The following FBN2 variants were observed in gnomAD, a reference collection of about 807,000 sequenced individuals.
FBN2 encodes fibrillin-2.
A neutral mutation model predicts 355.6 loss-of-function variants in FBN2; 105 were observed. The ratio of observed to expected loss-of-function variants is 0.30; its 90% CI spans 0.25 to 0.35. The LOEUF (loss-of-function observed/expected upper bound fraction) is 0.35. Ranked by LOEUF, FBN2 falls within the 10% of genes least tolerant of loss-of-function variation. The pLI, the probability that FBN2 is intolerant of heterozygous loss-of-function variation, is 1.00. For missense variants in FBN2, 3,280 were observed against 3,758.7 expected (o/e 0.87, Z 3.33); for synonymous variants, 1,350 against 1,301.2 (o/e 1.04, Z -0.81).
chr5:128,299,433 TC>T (rs1177986171), intron 48 of FBN2, among the ~76,000 whole-genome samples: 1 of 132,182 alleles, frequency 7.6e-6, no homozygotes, highest in East Asian at 2.4e-4. Context: ...TCCCCCAGCC[TC>T]ACAGTTTGAT....
chr5:128,308,799 G>A (rs78884882), intron 41 of FBN2, among the ~76,000 whole-genome samples: 2,649 of 151,960 alleles, frequency 0.017, 78 homozygotes, highest in African/African-American at 0.054. Flanking sequence ...TGTAAAATTC[G>A]CTCATAAAAA....
At chr5:128,423,577 G>A (rs918572729) in intron 7 of FBN2, among the ~76,000 whole-genome samples, 1 of 152,152 alleles carries the variant, frequency 6.6e-6, no homozygotes. Flanking sequence ...TTTGGGTGGG[G>A]ACACAGCCAA....
chr5:128,448,820 T>C (rs1237593205), intron 6 of FBN2, among the ~76,000 whole-genome samples: 1 of 152,152 alleles, frequency 6.6e-6, no homozygotes, highest in East Asian at 1.9e-4. Flanking sequence ...CACTCTTATA[T>C]TGGAATTGTT....
intron 6 of FBN2, among the ~76,000 whole-genome samples, chr5:128,455,094 T>C (rs1009516906): frequency 6.6e-6 from 1 of 152,118 alleles, no homozygotes; most frequent in Non-Finnish European, 1.5e-5. Context: ...CAAGTACTAA[T>C]CTTAAACAAA....
chr5:128,422,727 TC>T (rs1486322055), intron 7 of FBN2, among the ~76,000 whole-genome samples: 1 of 152,186 alleles, frequency 6.6e-6, no homozygotes, highest in African/African-American at 2.4e-5. Flanking sequence ...ATGTCAGATA[TC>T]TTTTACTCTT....
chr5:128,371,496 C>CCTCA (rs1267332031), intron 15 of FBN2, among the ~76,000 whole-genome samples: 2 of 138,392 alleles, frequency 1.4e-5, no homozygotes, highest in Non-Finnish European at 1.6e-5. Context: ...TTCTTCCCTC[C>CCTCA]CTCCCTCCCT....
At chr5:128,518,847 C>G (rs535170261) in intron 5 of FBN2, among the ~76,000 whole-genome samples, 1 of 152,128 alleles carries the variant, frequency 6.6e-6, no homozygotes, top group Admixed American at 6.5e-5. Flanking sequence ...TAGCTCGAGA[C>G]TTTTTGTTGT....
chr5:128,504,867 T>C (rs535285315), intron 5 of FBN2, among the ~76,000 whole-genome samples: 2 of 152,294 alleles, frequency 1.3e-5, no homozygotes, highest in East Asian at 1.9e-4. Flanking sequence ...CAGAATGATA[T>C]GGTTTGGCTG....
intron 5 of FBN2, among the ~76,000 whole-genome samples, chr5:128,507,834 T>C (rs185238230): frequency 3.3e-5 from 5 of 152,200 alleles, no homozygotes; most frequent in Admixed American, 2.6e-4. Context: ...TATGCCCGTA[T>C]TGACTTCTTA....
At chr5:128,488,286 T>C (rs974059298) in intron 5 of FBN2, among the ~76,000 whole-genome samples, 5 of 152,178 alleles carry the variant, frequency 3.3e-5, no homozygotes, top group African/African-American at 4.8e-5. Context: ...TAAGGCTTGC[T>C]GTGCTAGCAG....
chr5:128,408,741 G>A lies in FBN2; in HGVS notation c.1011C>T (p.Thr337=), dbSNP rs781086796. Residue 337 remains threonine, a synonymous_variant, in exon 8 of 65, where the codon ACC becomes ACT. Transcript: ENST00000262464. ...GICETGECSN[T]VGSYFCVCPR... Reference sequence around the variant, plus strand: ...GACAAACACAAAAATAGCTTCCCACGGTGTTGGAACATTCACCAGTTTCAC... The same window carrying A: ...GACAAACACAAAAATAGCTTCCCACAGTGTTGGAACATTCACCAGTTTCAC... 81 of 1,613,534 alleles carry A rather than the reference G, an allele frequency of 5.0e-5. No homozygotes were observed. The highest frequency in any genetic ancestry group is 6.2e-5 in the Non-Finnish European group (73 of 1,179,616).
chr5:128,417,713 T>C (rs1753240041), intron 7 of FBN2, among the ~76,000 whole-genome samples: 1 of 152,190 alleles, frequency 6.6e-6, no homozygotes, highest in Admixed American at 6.6e-5. Flanking sequence ...TTGATTGTGG[T>C]GTGTTATCTT....
intron 6 of FBN2, 31 bp downstream of exon 6, chr5:128,464,693 G>A (rs764980414): frequency 6.9e-6 from 11 of 1,602,568 alleles, no homozygotes; most frequent in East Asian, 4.5e-5. Flanking sequence ...GCAGGTCTGC[G>A]ATGGTGTGCA....
intron 5 of FBN2, among the ~76,000 whole-genome samples, chr5:128,475,801 T>C (rs1754994118): frequency 6.6e-6 from 1 of 152,208 alleles, no homozygotes; most frequent in African/African-American, 2.4e-5. Context: ...ATTCGTTTTC[T>C]CCTGTGTTTC....
At chr5:128,354,743 G>C (rs1414968284) in intron 20 of FBN2, among the ~76,000 whole-genome samples, 1 of 152,196 alleles carries the variant, frequency 6.6e-6, no homozygotes, top group Non-Finnish European at 1.5e-5. Context: ...GTGGCAGCTA[G>C]AAGAATGAAT....
intron 58 of FBN2, among the ~76,000 whole-genome samples, chr5:128,277,018 G>A (rs145159394): frequency 7.0e-4 from 106 of 152,204 alleles, no homozygotes; most frequent in Admixed American, 2.9e-3. Flanking sequence ...AACATACGGC[G>A]TTGATGCCCA....
chr5:128,515,570 C>T (rs7726535), intron 5 of FBN2, among the ~76,000 whole-genome samples: 24,642 of 151,992 alleles, frequency 0.16, 3,641 homozygotes, highest in African/African-American at 0.39. Context: ...CCTGGGTTCA[C>T]GCATTAGGTC....
chr5:128,379,175 C>A (rs1752163830), intron 11 of FBN2, among the ~76,000 whole-genome samples: 1 of 152,044 alleles, frequency 6.6e-6, no homozygotes, highest in South Asian at 2.1e-4. Flanking sequence ...AAAGCATGTG[C>A]CCTGAAAAGA....
At chr5:128,270,515 C>A (rs1273825368) in intron 62 of FBN2, among the ~76,000 whole-genome samples, 2 of 151,992 alleles carry the variant, frequency 1.3e-5, no homozygotes, top group African/African-American at 4.8e-5. Flanking sequence ...GGCAACAGGG[C>A]GAGAGTCCGT....
Sources: allele counts gnomAD v4.1 joint callset (sites outside exome capture counted in the v4.1 genomes callset), GRCh38; gene constraint gnomAD v4.1.1; transcripts MANE v1.5; gene names NCBI Gene and HGNC (gene_info 2026-07-23, HGNC 2026-07-21).